The following GRM8 variants were observed in gnomAD, a reference collection of about 807,000 sequenced individuals.
The protein encoded by GRM8 is metabotropic glutamate receptor 8.
In GRM8, 47 loss-of-function variants were observed where a neutral mutation model predicts 87.2. That is an observed-to-expected ratio of 0.54 (90% CI 0.43 to 0.69). The LOEUF (loss-of-function observed/expected upper bound fraction) is 0.69. Ranked by LOEUF, GRM8 falls within the 30% of genes least tolerant of loss-of-function variation. GRM8 has a pLI of 0.00. For missense variants in GRM8, 1,019 were observed against 1,139.2 expected (o/e 0.89, Z 1.52); for synonymous variants, 396 against 404.5 (o/e 0.98, Z 0.25).
chr7:126,553,088 C>T (rs1431019849), intron 8 of GRM8, among the ~76,000 whole-genome samples: 1 of 152,088 alleles, frequency 6.6e-6, no homozygotes, highest in African/African-American at 2.4e-5. Context: ...AATCCCTCCT[C>T]CTGTTCACTC....
At chr7:127,172,014 G>T (rs1021177724) in intron 2 of GRM8, among the ~76,000 whole-genome samples, 5 of 146,882 alleles carry the variant, frequency 3.4e-5, no homozygotes, top group Non-Finnish European at 7.7e-5. Flanking sequence ...ATAATTATAG[G>T]ATATTACTTG....
At chr7:126,440,451 G>A (rs1186860921) in intron 10 of GRM8, among the ~76,000 whole-genome samples, 1 of 145,568 alleles carries the variant, frequency 6.9e-6, no homozygotes, top group African/African-American at 2.5e-5. Context: ...GTACTGCCAT[G>A]TCCTAGGACT....
intron 6 of GRM8, among the ~76,000 whole-genome samples, chr7:126,855,583 C>T (rs1181993153): frequency 3.3e-5 from 5 of 150,324 alleles, no homozygotes; most frequent in South Asian, 2.1e-4. Context: ...TCAAGCAATT[C>T]GCCTGTCTCA....
chr7:126,888,216 G>C lies in GRM8; in HGVS notation c.1156+14326C>G, dbSNP rs577131610. 1.4e-3 allele frequency among the ~76,000 whole-genome samples: 210 copies of C among 152,170 alleles called. 1 individual carries two copies. Among genetic ancestry groups the C allele is most frequent in the African/African-American group, 5.0e-3 (207 of 41,520 alleles). On this transcript the variant is annotated intron_variant, in intron 6 of 10. Transcript: ENST00000339582. ...CCAGCCCATTCTGTGCCCTCAGCCT[G>C]CCAGTACTTTTCACTTCCAAAGCTA...
intron 2 of GRM8, among the ~76,000 whole-genome samples, chr7:127,186,044 G>T (rs1180599126): frequency 6.6e-6 from 1 of 152,104 alleles, no homozygotes; most frequent in African/African-American, 2.4e-5. Context: ...TGATAAATAT[G>T]CAATAACAGT....
chr7:126,451,354 C>T (rs1328424115), intron 9 of GRM8, among the ~76,000 whole-genome samples: 1 of 151,744 alleles, frequency 6.6e-6, no homozygotes, highest in African/African-American at 2.4e-5. Context: ...TACTCCCACC[C>T]TATCTATGAC....
intron 6 of GRM8, among the ~76,000 whole-genome samples, chr7:126,786,752 AAATT>A (rs1820666187): frequency 6.6e-6 from 1 of 152,194 alleles, no homozygotes; most frequent in Non-Finnish European, 1.5e-5. Flanking sequence ...ATAATATTAT[AAATT>A]AATAAGACAA....
chr7:126,682,402 C>T (rs1807685658), intron 7 of GRM8, among the ~76,000 whole-genome samples: 1 of 152,182 alleles, frequency 6.6e-6, no homozygotes, highest in Non-Finnish European at 1.5e-5. Flanking sequence ...CTCATGAGAT[C>T]ATAAGGGAGG....
At chr7:127,047,738 G>A (rs1819078754) in intron 3 of GRM8, among the ~76,000 whole-genome samples, 1 of 152,184 alleles carries the variant, frequency 6.6e-6, no homozygotes. Flanking sequence ...AGCTGAGGTA[G>A]GAGAATCACA....
intron 7 of GRM8, among the ~76,000 whole-genome samples, chr7:126,755,517 A>T (rs1201370952): frequency 6.6e-6 from 1 of 151,978 alleles, no homozygotes. Flanking sequence ...AATCAAGAAC[A>T]CTGCAGTTTT....
chr7:126,963,998 C>T (rs1809582850), intron 3 of GRM8, among the ~76,000 whole-genome samples: 1 of 152,156 alleles, frequency 6.6e-6, no homozygotes, highest in Admixed American at 6.5e-5. Flanking sequence ...ACAGAGGCCT[C>T]AGAAATAACA....
chr7:126,521,926 C>CAAAATCATA (rs1384893928), intron 9 of GRM8, among the ~76,000 whole-genome samples: 1 of 152,130 alleles, frequency 6.6e-6, no homozygotes, highest in Non-Finnish European at 1.5e-5. Context: ...ACCAGATACT[C>CAAAATCATA]ATGCTGTGTA....
chr7:126,580,264 T>G (rs1795487529), intron 8 of GRM8, among the ~76,000 whole-genome samples: 1 of 152,064 alleles, frequency 6.6e-6, no homozygotes, highest in Non-Finnish European at 1.5e-5. Context: ...ACTCCAAAAT[T>G]TTCTTTTTAA....
intron 2 of GRM8, among the ~76,000 whole-genome samples, chr7:127,136,959 A>G (rs1330909416): frequency 2.6e-5 from 4 of 152,122 alleles, no homozygotes; most frequent in East Asian, 1.9e-4. Flanking sequence ...CTGAAAAAAA[A>G]GAATAATTGC....
intron 3 of GRM8, among the ~76,000 whole-genome samples, chr7:126,913,735 G>A (rs891276796): frequency 1.3e-5 from 2 of 152,206 alleles, no homozygotes; most frequent in Non-Finnish European, 2.9e-5. Flanking sequence ...TTAAATAAGT[G>A]TAATCACGCC....
chr7:126,454,702 C>G (rs1803031240), intron 9 of GRM8, among the ~76,000 whole-genome samples: 1 of 151,468 alleles, frequency 6.6e-6, no homozygotes, highest in South Asian at 2.1e-4. Flanking sequence ...GTCCCTAATC[C>G]CATATGCCTG....
chr7:126,682,952 G>C (rs1807771666), intron 7 of GRM8, among the ~76,000 whole-genome samples: 1 of 152,160 alleles, frequency 6.6e-6, no homozygotes. Context: ...TGGAGGCTGA[G>C]GCAGGAGAAT....
intron 7 of GRM8, among the ~76,000 whole-genome samples, chr7:126,618,049 A>C (rs1226658349): frequency 2.0e-5 from 3 of 152,242 alleles, no homozygotes; most frequent in East Asian, 3.8e-4. Context: ...TGGAACCAAA[A>C]ATAGAGCCCT....
chr7:127,085,361 A>T (rs1375602122), intron 3 of GRM8, among the ~76,000 whole-genome samples: 1 of 152,190 alleles, frequency 6.6e-6, no homozygotes, highest in African/African-American at 2.4e-5. Context: ...TAGTATTTCT[A>T]GTTGTAGATC....
Sources: gnomAD v4.1 joint callset for allele counts (sites outside exome capture counted in the v4.1 genomes callset) on GRCh38, gnomAD v4.1.1 for gene constraint, MANE v1.5 for transcripts, NCBI Gene and HGNC (gene_info 2026-07-23, HGNC 2026-07-21) for gene names.